The following BASP1 variants were observed in gnomAD, a reference collection of about 807,000 sequenced individuals.
BASP1 encodes brain abundant membrane attached signal protein 1, also known as brain acid soluble protein 1.
In BASP1, 1 loss-of-function variant was observed where a neutral mutation model predicts 2.2. The observed-to-expected ratio is 0.46, with a 90% CI of 0.16 to 2.17. The LOEUF (loss-of-function observed/expected upper bound fraction) is 2.17, where lower values mean the gene tolerates loss of function less well. BASP1 is among the 30% of genes most tolerant of loss of function. The pLI, the probability that BASP1 is intolerant of heterozygous loss-of-function variation, is 0.27. For synonymous variants in BASP1, 187 were observed against 154.2 expected (o/e 1.21, Z -1.58); for missense variants, 352 against 327.2 (o/e 1.08, Z -0.58).
chr5:17,264,048 C>T (rs1350682375), intron 1 of BASP1, among the ~76,000 whole-genome samples: 3 of 152,136 alleles, frequency 2.0e-5, no homozygotes, highest in East Asian at 1.9e-4. Context: ...CAAGTCACTG[C>T]GACAGAGCAC....
chr5:17,234,448 G>A (rs1374589574), intron 1 of BASP1, among the ~76,000 whole-genome samples: 1 of 152,158 alleles, frequency 6.6e-6, no homozygotes, highest in Non-Finnish European at 1.5e-5. Context: ...TTCTTTAAAT[G>A]AAACATCAGT....
chr5:17,218,582 C>A (rs1449050483), intron 1 of BASP1, among the ~76,000 whole-genome samples: 1 of 152,126 alleles, frequency 6.6e-6, no homozygotes, highest in Non-Finnish European at 1.5e-5. Flanking sequence ...CGCCTCCGCC[C>A]TGGGTCCCGG....
At chr5:17,238,519 G>A (rs1739793400) in intron 1 of BASP1, among the ~76,000 whole-genome samples, 1 of 152,148 alleles carries the variant, frequency 6.6e-6, no homozygotes, top group South Asian at 2.1e-4. Context: ...TTTGATGCAA[G>A]TGCTCTGTGG....
intron 1 of BASP1, among the ~76,000 whole-genome samples, chr5:17,231,479 G>A (rs1332680133): frequency 1.3e-5 from 2 of 152,026 alleles, no homozygotes; most frequent in African/African-American, 2.4e-5. Context: ...ATAAAACACC[G>A]GCTCTCAGCA....
chr5:17,276,119 G>C lies in BASP1; in HGVS notation c.*219G>C. 9.8e-5 allele frequency: 28 copies of C among 285,486 alleles called. No individual in the cohort carries two copies. The highest frequency in any genetic ancestry group is 1.0e-3 in the Middle Eastern group (1 of 962). 17.7% of individuals were successfully genotyped at this position (285,486 alleles called of 1,614,324 possible). A position where few individuals can be genotyped will look rare whatever the true frequency, so the allele number is the denominator to read the frequency against. ...TCCCATCAAGGGAGGGAGGGGGTGG[G>C]AGAATCCAAATAGTATTTTTGTGGG... On this transcript the variant is annotated 3_prime_UTR_variant, in exon 2 of 2. Transcript: ENST00000322611.
At chr5:17,243,295 T>G (rs923320500) in intron 1 of BASP1, among the ~76,000 whole-genome samples, 5 of 152,140 alleles carry the variant, frequency 3.3e-5, no homozygotes, top group African/African-American at 1.2e-4. Flanking sequence ...ACTATGGGCG[T>G]GGTGCGTACC....
At chr5:17,230,683 C>A (rs1402951231) in intron 1 of BASP1, among the ~76,000 whole-genome samples, 1 of 152,136 alleles carries the variant, frequency 6.6e-6, no homozygotes, top group Non-Finnish European at 1.5e-5. Flanking sequence ...CCTGCCTCAG[C>A]CTCCCAAGTA....
chr5:17,229,145 A>G (rs940415965), intron 1 of BASP1, among the ~76,000 whole-genome samples: 2 of 152,338 alleles, frequency 1.3e-5, no homozygotes, highest in South Asian at 2.1e-4. Context: ...GTTTGAGGAC[A>G]CTAACGTGCA....
chr5:17,273,437 A>G (rs1357332058), intron 1 of BASP1, among the ~76,000 whole-genome samples: 1 of 152,192 alleles, frequency 6.6e-6, no homozygotes, highest in Non-Finnish European at 1.5e-5. Flanking sequence ...AGGTAACATC[A>G]TAAAGACCTT....
intron 1 of BASP1, among the ~76,000 whole-genome samples, chr5:17,248,569 G>A (rs538654796): frequency 1.1e-4 from 16 of 152,104 alleles, no homozygotes; most frequent in African/African-American, 3.6e-4. Flanking sequence ...TACATTAGAC[G>A]GTTCAATCTT....
At chr5:17,257,285 T>C (rs1267268376) in intron 1 of BASP1, among the ~76,000 whole-genome samples, 1 of 151,226 alleles carries the variant, frequency 6.6e-6, no homozygotes, top group Non-Finnish European at 1.5e-5. Flanking sequence ...GGCTATAACC[T>C]AGAATTTAAA....
At chr5:17,255,511 G>T (rs1740191149) in intron 1 of BASP1, among the ~76,000 whole-genome samples, 1 of 152,016 alleles carries the variant, frequency 6.6e-6, no homozygotes, top group African/African-American at 2.4e-5. Context: ...TGGTACCTGT[G>T]CTAATCTGAA....
intron 1 of BASP1, among the ~76,000 whole-genome samples, chr5:17,255,612 C>G (rs1740195227): frequency 6.6e-6 from 1 of 152,186 alleles, no homozygotes; most frequent in African/African-American, 2.4e-5. Flanking sequence ...ACTCACCACT[C>G]TTGACGGTGT....
intron 1 of BASP1, among the ~76,000 whole-genome samples, chr5:17,267,228 G>A (rs1236325155): frequency 6.6e-6 from 1 of 152,162 alleles, no homozygotes; most frequent in Non-Finnish European, 1.5e-5. Context: ...CCAGTGATTG[G>A]TAGATGACCC....
intron 1 of BASP1, among the ~76,000 whole-genome samples, chr5:17,228,075 G>C (rs1025047286): frequency 7.2e-5 from 11 of 152,202 alleles, no homozygotes; most frequent in African/African-American, 2.7e-4. Context: ...CATGTTACTA[G>C]TTTTCCTCAT....
At chr5:17,247,765 G>A (rs538668045) in intron 1 of BASP1, among the ~76,000 whole-genome samples, 34 of 152,278 alleles carry the variant, frequency 2.2e-4, no homozygotes, top group Non-Finnish European at 3.8e-4. Flanking sequence ...GTGTGCTGGC[G>A]CTTCGTATGT....
rs369705603 is a variant in BASP1, at chr5:17,260,429, GA to G, written c.-9-14770del. ...CTACAATATGCACATAGTAACAAAA[GA>G]AAAAAAAATCTTGACAATATCATTG... On this transcript the variant is annotated intron_variant, in intron 1 of 1. Transcript: ENST00000322611. This position sits in a 1 kb window ranked among gnomAD's most constrained non-coding sequence, Gnocchi z 4.2. 1.3e-4 allele frequency among the ~76,000 whole-genome samples: 20 copies of G among 151,122 alleles called. No individual in the cohort carries two copies. The highest frequency in any genetic ancestry group is 2.5e-4 in the Non-Finnish European group (17 of 67,708).
intron 1 of BASP1, among the ~76,000 whole-genome samples, chr5:17,250,808 G>A (rs1303325559): frequency 4.6e-5 from 7 of 152,182 alleles, no homozygotes; most frequent in Middle Eastern, 6.8e-3. Context: ...GTTTCACTGC[G>A]TTAGCCAGGA....
intron 1 of BASP1, among the ~76,000 whole-genome samples, chr5:17,274,840 TTTAA>T (rs1740596299): frequency 6.6e-6 from 1 of 152,150 alleles, no homozygotes; most frequent in African/African-American, 2.4e-5. Context: ...ATTTTTAACT[TTTAA>T]TTGTGTAATA....
Sources: allele counts gnomAD v4.1 joint callset (sites outside exome capture counted in the v4.1 genomes callset), GRCh38; gene constraint gnomAD v4.1.1; non-coding constraint Gnocchi (gnomAD v3.1); transcripts MANE v1.5; gene names NCBI Gene and HGNC (gene_info 2026-07-23, HGNC 2026-07-21).